TBC1D15: variants seen among roughly 807,000 people sequenced by gnomAD.
TBC1D15 encodes the protein GAP for RAB7.
TBC1D15 carries 39 observed loss-of-function variants against 95.4 expected under a neutral mutation model. That is an observed-to-expected ratio of 0.41 (90% CI 0.32 to 0.53). TBC1D15 has a LOEUF of 0.53. Ranked by LOEUF, TBC1D15 falls within the 20% of genes least tolerant of loss-of-function variation. The probability of loss-of-function intolerance (pLI) is 0.29; values close to 1 mark genes in which losing one functional copy is unlikely to be tolerated. For synonymous variants in TBC1D15, 258 were observed against 261.3 expected (o/e 0.99, Z 0.12); for missense variants, 733 against 794.3 (o/e 0.92, Z 0.93).
At chr12:71,863,414 A>C (rs1363812115) in intron 1 of TBC1D15, among the ~76,000 whole-genome samples, 1 of 152,150 alleles carries the variant, frequency 6.6e-6, no homozygotes, top group Non-Finnish European at 1.5e-5. Context: ...ATCTGCTTTT[A>C]ATCTAACAGG....
At chr12:71,905,782 A>G (rs1900541745) in intron 10 of TBC1D15, among the ~76,000 whole-genome samples, 1 of 152,212 alleles carries the variant, frequency 6.6e-6, no homozygotes, top group Non-Finnish European at 1.5e-5. Context: ...AAATATTTGA[A>G]TAATTTTTTA....
chr12:71,905,515 A>G (rs1350599333), intron 10 of TBC1D15, among the ~76,000 whole-genome samples: 1 of 151,984 alleles, frequency 6.6e-6, no homozygotes, highest in Non-Finnish European at 1.5e-5. Context: ...TTGTAGAGAC[A>G]GGGTTTTGCC....
intron 1 of TBC1D15, among the ~76,000 whole-genome samples, chr12:71,862,776 G>A (rs928194481): frequency 1.3e-5 from 2 of 152,088 alleles, no homozygotes; most frequent in Admixed American, 6.6e-5. Context: ...GGTAAGATTC[G>A]ATTCTGTTTG....
At chr12:71,875,567 C>T (rs575846734) in intron 3 of TBC1D15, among the ~76,000 whole-genome samples, 9 of 151,844 alleles carry the variant, frequency 5.9e-5, no homozygotes, top group Non-Finnish European at 8.8e-5. Flanking sequence ...CCTACCTTCT[C>T]CTCGCTTCCA....
intron 1 of TBC1D15, among the ~76,000 whole-genome samples, chr12:71,840,310 T>C (rs2137727417): frequency 6.6e-6 from 1 of 152,264 alleles, no homozygotes; most frequent in Non-Finnish European, 1.5e-5. Flanking sequence ...AACGAGTGTA[T>C]TGGGTCTGTT....
At chr12:71,876,315 A>AT (rs1162363137) in intron 3 of TBC1D15, among the ~76,000 whole-genome samples, 1 of 151,340 alleles carries the variant, frequency 6.6e-6, no homozygotes, top group African/African-American at 2.4e-5. Context: ...TTTTTTTCCA[A>AT]TTTACATATG....
intron 1 of TBC1D15, among the ~76,000 whole-genome samples, chr12:71,845,578 A>G (rs1461001402): frequency 1.3e-5 from 2 of 152,230 alleles, no homozygotes; most frequent in African/African-American, 4.8e-5. Flanking sequence ...GTGCTTAGAT[A>G]TTTGGGTGTG....
intron 12 of TBC1D15, among the ~76,000 whole-genome samples, chr12:71,914,597 T>C (rs1903231413): frequency 1.3e-5 from 2 of 151,450 alleles, no homozygotes; most frequent in Admixed American, 1.3e-4. Flanking sequence ...GCAGAAGGGG[T>C]GAGACTAGAT....
chr12:71,908,963 C>G (rs949191695), intron 11 of TBC1D15, among the ~76,000 whole-genome samples: 9 of 152,146 alleles, frequency 5.9e-5, no homozygotes, highest in Non-Finnish European at 1.2e-4. Flanking sequence ...TTTCTGTTAC[C>G]ACTGTAGGGA....
chr12:71,896,073 G>A lies in TBC1D15; in HGVS notation c.982G>A (p.Gly328Arg). Residue 328 changes from glycine to arginine, a missense_variant and splice_region_variant, in exon 8 of 17, where the codon GGG becomes AGG. Coordinates refer to ENST00000485960, the MANE Select transcript of TBC1D15 (RefSeq NM_001146213.3). ...TAATATGAAGCAGATGATATTTAGAGGGGTAATTTAAACACTCTAATATGG... is the reference window on the plus strand; with the variant it reads ...TAATATGAAGCAGATGATATTTAGAAGGGTAATTTAAACACTCTAATATGG... ...VDNMKQMIFR[G>R]GLSHALRKQA... is the part of the protein sequence containing the mutation. 6.2e-7 allele frequency: 1 copy of A among 1,607,146 alleles called. No individual in the cohort carries two copies. Among genetic ancestry groups the A allele is most frequent in the Non-Finnish European group, 8.5e-7 (1 of 1,175,298 alleles).
chr12:71,872,892 C>T, intron 2 of TBC1D15, 37 bp from the exon 3 acceptor site: 3 of 1,435,980 alleles, frequency 2.1e-6, no homozygotes, highest in Non-Finnish European at 2.9e-6. Context: ...TAACATATTG[C>T]TGAATATTAA....
intron 1 of TBC1D15, chr12:71,840,974 T>G (rs764793805): frequency 6.6e-6 from 1 of 152,190 alleles, no homozygotes; most frequent in African/African-American, 2.4e-5. Flanking sequence ...TATATAAATT[T>G]TTTTTTAAAA....
At chr12:71,857,741 A>T (rs952115021) in intron 1 of TBC1D15, among the ~76,000 whole-genome samples, 6 of 152,340 alleles carry the variant, frequency 3.9e-5, no homozygotes, top group African/African-American at 1.4e-4. Context: ...AATATACAAT[A>T]AATTGTTAAT....
intron 1 of TBC1D15, among the ~76,000 whole-genome samples, chr12:71,842,311 C>T (rs1034042408): frequency 3.3e-5 from 5 of 152,152 alleles, no homozygotes; most frequent in Admixed American, 2.6e-4. Context: ...CATTTACAAG[C>T]GACTTCAGTA....
At chr12:71,850,148 T>A (rs1191701946) in intron 1 of TBC1D15, 1 of 547,542 alleles carries the variant, frequency 1.8e-6, no homozygotes. Context: ...CTCATGATAA[T>A]CATATTATTT....
chr12:71,861,223 A>G (rs1207391242), intron 1 of TBC1D15, among the ~76,000 whole-genome samples: 1 of 152,166 alleles, frequency 6.6e-6, no homozygotes, highest in Non-Finnish European at 1.5e-5. Flanking sequence ...CCCTTATACA[A>G]TGAGTTTGGA....
rs144818241 is a variant in TBC1D15 at position 71,843,747 on chromosome 12, C to T, written c.30+3936C>T. Among the ~76,000 whole-genome samples the T allele has an allele frequency of 3.2e-4, 48 of 152,176 alleles. No homozygotes were observed. In the East Asian group the frequency reaches 6.2e-3, roughly 20 times the overall value. ...CATTGCAGCGCTGACTGTGTATCTC[C>T]TCCAACTCTTAAATTATTCACGTCT... On this transcript the variant is annotated intron_variant, in intron 1 of 16. Transcript: ENST00000485960.
chr12:71,891,404 A>G (rs776446994), intron 5 of TBC1D15, among the ~76,000 whole-genome samples: 4 of 152,282 alleles, frequency 2.6e-5, no homozygotes, highest in East Asian at 1.9e-4. Flanking sequence ...TACTGCTGCA[A>G]TGAGTTTGAA....
At chr12:71,866,087 C>CT (rs1031388155) in intron 1 of TBC1D15, among the ~76,000 whole-genome samples, 21 of 152,220 alleles carry the variant, frequency 1.4e-4, no homozygotes, top group South Asian at 6.2e-4. Context: ...TGGACTGACT[C>CT]TGTTTCCACT....
Sources: allele counts gnomAD v4.1 joint callset (sites outside exome capture counted in the v4.1 genomes callset), GRCh38; gene constraint gnomAD v4.1.1; transcripts MANE v1.5; gene names NCBI Gene and HGNC (gene_info 2026-07-23, HGNC 2026-07-21).